The following MYO9B variants were observed in gnomAD, a reference collection of about 807,000 sequenced individuals.
MYO9B encodes myosin IXB, also known as unconventional myosin-IXb.
Under a neutral mutation model 229.5 loss-of-function variants are expected in MYO9B, and 71 were observed. That is an observed-to-expected ratio of 0.31 (90% CI 0.26 to 0.38). The LOEUF is 0.38. Among genes scored for constraint, MYO9B ranks in the 10% least tolerant of loss-of-function variants. The probability of loss-of-function intolerance (pLI) is 1.00; values close to 1 mark genes in which losing one functional copy is unlikely to be tolerated. For synonymous variants in MYO9B, 1,185 were observed against 1,235.8 expected (o/e 0.96, Z 0.86); for missense variants, 2,255 against 2,920.5 (o/e 0.77, Z 5.25).
chr19:17,133,480 AGG>A (rs1302451264), intron 2 of MYO9B, among the ~76,000 whole-genome samples: 2 of 151,826 alleles, frequency 1.3e-5, no homozygotes, highest in Admixed American at 1.3e-4. Context: ...TTTTTGAGAC[AGG>A]GTCTCGCTCT....
At position 17,192,804 on chromosome 19, in the gene MYO9B, T is replaced by G. The variant is rs1383212366; in HGVS notation, c.2870T>G (p.Val957Gly). 6.4e-7 allele frequency: 1 copy of G among 1,557,700 alleles called. No homozygotes were observed. The highest frequency in any genetic ancestry group is 8.7e-7 in the Non-Finnish European group (1 of 1,151,516). Residue 957 changes from valine (V) to glycine (G), a missense_variant, in exon 21 of 40, where the codon GTG becomes GGG. Val to Gly is a moderately radical substitution (Grantham distance 109). This residue lies in a region of MYO9B where 679 missense variants were observed against 770.2 expected (regional missense o/e 0.88). Transcript: ENST00000682292. ...CAGGAGACGCTGCACCGGGAGGTGG[T>G]GCGGAAAATCCTGCTGCTGCAGAGC... ...ALQETLHREVVRKILLLQSWF... is the reference protein window; with the variant it reads ...ALQETLHREVGRKILLLQSWF...
At chr19:17,206,587 T>A in intron 33 of MYO9B, 92 bp from the exon 34 acceptor site, 1 of 1,320,282 alleles carries the variant, frequency 7.6e-7, no homozygotes, top group Non-Finnish European at 1.1e-6. Flanking sequence ...ACAGGGTGGA[T>A]GGCACCTGTG....
intron 2 of MYO9B, among the ~76,000 whole-genome samples, chr19:17,127,678 C>T (rs1012408184): frequency 1.3e-5 from 2 of 152,320 alleles, no homozygotes; most frequent in African/African-American, 2.4e-5. Context: ...GTAGGCTGTA[C>T]AGTAATAGGT....
chr19:17,159,953 ACT>A (rs934132777), intron 8 of MYO9B, among the ~76,000 whole-genome samples: 5 of 151,820 alleles, frequency 3.3e-5, no homozygotes, highest in African/African-American at 1.2e-4. Flanking sequence ...CCATCCCTAG[ACT>A]CTGGAACATG....
chr19:17,162,303 G>C (rs377716932), intron 8 of MYO9B, 47 bp from the exon 9 acceptor site: 1 of 1,465,406 alleles, frequency 6.8e-7, no homozygotes, highest in South Asian at 1.2e-5. Flanking sequence ...AGACTCCAGC[G>C]CAGGGCCTGC....
At position 17,200,792 on chromosome 19, in the gene MYO9B, A is replaced by G. The variant is rs754380541; in HGVS notation, c.4526A>G (p.Asn1509Ser). 6.8e-6 allele frequency: 11 copies of G among 1,614,044 alleles called. No homozygotes were observed. Among genetic ancestry groups the G allele is most frequent in the East Asian group, 4.5e-5 (2 of 44,880 alleles). The change falls in exon 26 of 40, where the codon AAT becomes AGT. Residue 1509 changes from asparagine (N) to serine (S), a missense_variant. By Grantham distance (46) the Asn-to-Ser change is conservative (BLOSUM62 1). Around this residue, in one of 7 missense-constraint regions of MYO9B, gnomAD observed 416 missense variants for 605.5 expected, o/e 0.69. Coordinates refer to ENST00000682292, the MANE Select transcript of MYO9B (RefSeq NM_004145.4). The part of the protein sequence containing the change: ...ESVFRQITNA[N>S]ELKYLDEFLL... ...GTGTTCCGCCAGATCACCAACGCCA[A>G]TGAGCTCAAGTACCTGGACGAGTTC...
chr19:17,197,435 GATAGATAGATAGATAC>G (rs2073057236), intron 22 of MYO9B, among the ~76,000 whole-genome samples: 4 of 151,456 alleles, frequency 2.6e-5, no homozygotes, highest in Non-Finnish European at 5.9e-5. Flanking sequence ...TAGATAGATA[GATAGATAGATAGATAC>G]ATAGATAGAT....
rs138380809 is a variant in MYO9B at position 17,172,042 on chromosome 19, C to A, written c.1794-294C>A. 1.5e-4 allele frequency among the ~76,000 whole-genome samples: 23 copies of A among 152,302 alleles called. No homozygotes were observed. The highest frequency in any genetic ancestry group is 5.1e-4 in the African/African-American group (21 of 41,562). On this transcript the variant is annotated intron_variant, in intron 11 of 39. Transcript: ENST00000682292. This position sits in a 1 kb window ranked among gnomAD's most constrained non-coding sequence, Gnocchi z 8.2. ...CAGCTATGCCAGCTGACGCAGAGAG[C>A]AGAGTCCCAGCCCTCCACCAGCGTG... is the stretch of plus-strand genomic sequence containing the variant.
chr19:17,121,599 G>A (rs10414084), intron 2 of MYO9B, among the ~76,000 whole-genome samples: 6,358 of 152,026 alleles, frequency 0.042, 178 homozygotes, highest in Middle Eastern at 0.085. Flanking sequence ...TGCAGGGAGG[G>A]CAGAGAGGTG....
chr19:17,164,197 CTCAG>C (rs1344520946), intron 10 of MYO9B, among the ~76,000 whole-genome samples: 21 of 152,108 alleles, frequency 1.4e-4, no homozygotes, highest in Admixed American at 1.2e-3. Context: ...CAGAATTTTT[CTCAG>C]TCAAAAGGAA....
chr19:17,194,692 G>C lies in MYO9B; in HGVS notation c.3265G>C (p.Glu1089Gln). ...GCAGCAGGTAGCTGAGCAGGGGCCG[G>C]AGCCAGCGGAGGATGGCGGGCACCT... ...GGQQVAEQGP[E>Q]PAEDGGHLAS... Residue 1089 changes from glutamate to glutamine, a missense_variant, in exon 22 of 40, where the codon GAG (glutamate) becomes CAG (glutamine). Coordinates refer to ENST00000682292, the MANE Select transcript of MYO9B (RefSeq NM_004145.4). 6.2e-7 allele frequency: 1 copy of C among 1,612,900 alleles called. No individual in the cohort carries two copies. Among genetic ancestry groups the C allele is most frequent in the Non-Finnish European group, 8.5e-7 (1 of 1,179,880 alleles).
At chr19:17,197,733 C>T in intron 22 of MYO9B, 59 bp from the exon 23 acceptor site, 4 of 1,594,848 alleles carry the variant, frequency 2.5e-6, no homozygotes, top group South Asian at 1.1e-5. Context: ...ACCACTAAGA[C>T]AAGAAAATGC....
chr19:17,078,553 T>A (rs2057507074), intron 1 of MYO9B, among the ~76,000 whole-genome samples: 1 of 150,702 alleles, frequency 6.6e-6, no homozygotes, highest in Non-Finnish European at 1.5e-5. Flanking sequence ...TAATAATAAT[T>A]AAAAAAAAGA....
chr19:17,102,614 T>C, intron 2 of MYO9B, 57 bp downstream of exon 2: 1 of 1,480,808 alleles, frequency 6.8e-7, no homozygotes. Context: ...AAAATGCGGG[T>C]TTCAGGCCAA....
chr19:17,114,542 T>C (rs536340432), intron 2 of MYO9B, among the ~76,000 whole-genome samples: 12 of 152,294 alleles, frequency 7.9e-5, no homozygotes, highest in African/African-American at 2.9e-4. Flanking sequence ...TCTTACAATG[T>C]TGTTTGTAAG....
chr19:17,157,211 T>C (rs2072546859), intron 7 of MYO9B, 173 bp downstream of exon 7: 2 of 792,490 alleles, frequency 2.5e-6, no homozygotes, highest in Non-Finnish European at 3.7e-6. Flanking sequence ...TGATGAGCTC[T>C]GTGGACAGGG....
chr19:17,212,542 CCACATCTCCACCTGCGGCCT>C lies in MYO9B; in HGVS notation c.*242_*261del. On this transcript the variant is annotated 3_prime_UTR_variant, in exon 40 of 40. Transcript: ENST00000682292. This position sits in a 1 kb window ranked among gnomAD's most constrained non-coding sequence, Gnocchi z 5.4. ...ATCATGGACGCACCTGTGGGGAGCA[CCACATCTCCACCTGCGGCCT>C]CACATCTCCCCACTCCCCTTTTTGT... The C allele has an allele frequency of 2.1e-6, 1 of 465,170 alleles. No homozygotes were observed. The highest frequency in any genetic ancestry group is 3.8e-6 in the Non-Finnish European group (1 of 265,678). The allele number at this position is 465,170 out of a possible 1,614,324, so 28.8% of individuals were successfully genotyped here.
chr19:17,164,457 T>C (rs1350870940), intron 10 of MYO9B, among the ~76,000 whole-genome samples: 1 of 151,846 alleles, frequency 6.6e-6, no homozygotes, highest in African/African-American at 2.4e-5. Flanking sequence ...CTCGGCTCAC[T>C]GCAACCTCTG....
chr19:17,128,504 A>AC (rs1349363423), intron 2 of MYO9B, among the ~76,000 whole-genome samples: 2 of 152,192 alleles, frequency 1.3e-5, no homozygotes, highest in Non-Finnish European at 2.9e-5. Context: ...TGCTTGGCAG[A>AC]CCTGGCAGAG....
Sources: gnomAD v4.1 joint callset for allele counts (sites outside exome capture counted in the v4.1 genomes callset) on GRCh38, gnomAD v4.1.1 for gene constraint, gnomAD v4.1.1 regional missense constraint, Gnocchi (gnomAD v3.1) non-coding constraint, MANE v1.5 for transcripts, NCBI Gene and HGNC (gene_info 2026-07-23, HGNC 2026-07-21) for gene names.